Variants in RMND5A observed in about 807,000 individuals in gnomAD.
RMND5A encodes E3 ubiquitin-protein transferase RMND5A.
A neutral mutation model predicts 49.7 loss-of-function variants in RMND5A; 17 were observed. That is an observed-to-expected ratio of 0.34 (90% CI 0.23 to 0.51). The LOEUF is 0.51. RMND5A is among the 20% of genes least tolerant of loss of function. RMND5A has a pLI of 0.96. For synonymous variants in RMND5A, 156 were observed against 167.7 expected (o/e 0.93, Z 0.54); for missense variants, 255 against 471.3 (o/e 0.54, Z 4.25).
At chr2:86,759,049 G>A (rs570465207) in intron 4 of RMND5A, among the ~76,000 whole-genome samples, 8 of 152,068 alleles carry the variant, frequency 5.3e-5, no homozygotes, top group Non-Finnish European at 8.8e-5. Context: ...TGCTGTGAAA[G>A]GTTACAGTGG....
At chr2:86,766,537 A>G (rs6706378) in intron 6 of RMND5A, among the ~76,000 whole-genome samples, 106,803 of 151,612 alleles carry the variant, frequency 0.7, 37,785 homozygotes, top group East Asian at 0.91. Context: ...GGTGGCGGGT[A>G]CCTTTAATCC....
At chr2:86,749,009 T>C (rs900732595) in intron 2 of RMND5A, among the ~76,000 whole-genome samples, 13 of 152,206 alleles carry the variant, frequency 8.5e-5, no homozygotes, top group African/African-American at 3.1e-4. Context: ...TAGAGAGTTA[T>C]GGGCAGGTTC....
At chr2:86,754,206 C>G (rs1681690276) in intron 4 of RMND5A, among the ~76,000 whole-genome samples, 1 of 152,210 alleles carries the variant, frequency 6.6e-6, no homozygotes, top group South Asian at 2.1e-4. Context: ...TTTTACAACC[C>G]TTTAAAAATT....
chr2:86,765,823 A>G lies in RMND5A; in HGVS notation c.689-36A>G, dbSNP rs1410130043. Reference sequence around the variant, plus strand: ...TTGCTTTTCGCAGCTTATTACTGCAAGCAAACTAATGCTTTCTTGCTGGTG... The same window carrying G: ...TTGCTTTTCGCAGCTTATTACTGCAGGCAAACTAATGCTTTCTTGCTGGTG... On this transcript the variant is annotated intron_variant, in intron 5 of 8. Coordinates refer to ENST00000283632, the MANE Select transcript of RMND5A (RefSeq NM_022780.4). 3.1e-6 allele frequency: 5 copies of G among 1,601,628 alleles called. No individual in the cohort carries two copies. The Admixed American group carries it at 6.8e-5, about 22-fold the overall frequency.
At chr2:86,765,458 A>AC (rs1263193287) in intron 5 of RMND5A, 30 of 365,180 alleles carry the variant, frequency 8.2e-5, no homozygotes, top group African/African-American at 5.1e-4. Context: ...GCTCTTTTCC[A>AC]CCCCCACCTG....
At chr2:86,746,601 AG>A (rs951201933) in intron 2 of RMND5A, among the ~76,000 whole-genome samples, 79 of 152,364 alleles carry the variant, frequency 5.2e-4, no homozygotes, top group African/African-American at 1.8e-3. Flanking sequence ...TAAGACTTGG[AG>A]GAACCTTTCT....
intron 2 of RMND5A, 27 bp downstream of exon 2, chr2:86,741,096 AT>A (rs1484446606): frequency 6.2e-7 from 1 of 1,603,558 alleles, no homozygotes; most frequent in Non-Finnish European, 8.5e-7. Flanking sequence ...AGTGTTTTGT[AT>A]TTTTTAGCAT....
chr2:86,771,536 C>CT (rs56328788), intron 7 of RMND5A, 22 bp from the exon 8 acceptor site: 18,037 of 1,414,148 alleles, frequency 0.013, 71 homozygotes, highest in African/African-American at 0.053. Flanking sequence ...AGCTTTTTTA[C>CT]TTTTTTTTTT....
At chr2:86,728,445 T>C (rs1681303714) in intron 1 of RMND5A, among the ~76,000 whole-genome samples, 1 of 76,142 alleles carries the variant, frequency 1.3e-5, no homozygotes, top group African/African-American at 4.9e-5. Context: ...TAGCTGGGAT[T>C]ACAGGTGTGC....
At chr2:86,772,305 A>T (rs1358891798) in intron 8 of RMND5A, among the ~76,000 whole-genome samples, 1 of 152,024 alleles carries the variant, frequency 6.6e-6, no homozygotes, top group Non-Finnish European at 1.5e-5. Context: ...AAAACAAAAA[A>T]TTAGCCGGGT....
At chr2:86,764,849 G>A (rs1220795993) in intron 4 of RMND5A, among the ~76,000 whole-genome samples, 178 bp from the exon 5 acceptor site, 1 of 152,238 alleles carries the variant, frequency 6.6e-6, no homozygotes, top group Non-Finnish European at 1.5e-5. Flanking sequence ...GCCTCTGCAA[G>A]TGTAGTTATT....
chr2:86,751,791 G>A (rs1003466674), intron 2 of RMND5A, 105 bp from the exon 3 acceptor site: 10 of 1,026,350 alleles, frequency 9.7e-6, no homozygotes, highest in Non-Finnish European at 1.2e-5. Flanking sequence ...AATTGCAGTT[G>A]GGTTCTTATT....
In RMND5A at chr2:86,773,671, G is replaced by T; in HGVS notation, c.*260G>T. The T allele has an allele frequency of 6.8e-6, 2 of 294,984 alleles. No homozygotes were observed. Among genetic ancestry groups the T allele is most frequent in the Admixed American group, 5.0e-5 (1 of 20,040 alleles). The allele number at this position is 294,984 out of a possible 1,614,324, so 18.3% of individuals were successfully genotyped here. ...CAGTTGTCATTCAATGCAGGTTTTT[G>T]TACTTAATTATATGGTGATTTTTTT... is the stretch of plus-strand genomic sequence containing the variant. On this transcript the variant is annotated 3_prime_UTR_variant, in exon 9 of 9. Transcript: ENST00000283632.
intron 1 of RMND5A, among the ~76,000 whole-genome samples, chr2:86,725,343 C>T (rs946575455): frequency 1.4e-5 from 2 of 145,600 alleles, no homozygotes; most frequent in Non-Finnish European, 1.5e-5. Context: ...TCCTGGACCA[C>T]CTGGTTGCCC....
At chr2:86,755,370 C>T (rs545568891) in intron 4 of RMND5A, among the ~76,000 whole-genome samples, 8 of 152,336 alleles carry the variant, frequency 5.3e-5, no homozygotes, top group Admixed American at 3.3e-4. Flanking sequence ...CCTCCTGGAG[C>T]GTCAGCTGCC....
chr2:86,775,723 CAT>C lies in RMND5A; in HGVS notation c.*2315_*2316del, dbSNP rs1672757566. The C allele has an allele frequency of 6.6e-6, 1 of 152,170 alleles. No homozygotes were observed. Among genetic ancestry groups the C allele is most frequent in the Admixed American group, 6.5e-5 (1 of 15,280 alleles). 9.4% of individuals were successfully genotyped at this position (152,170 alleles called of 1,614,324 possible). On this transcript the variant is annotated 3_prime_UTR_variant, in exon 9 of 9. Coordinates refer to ENST00000283632, the MANE Select transcript of RMND5A (RefSeq NM_022780.4). The stretch of plus-strand genomic sequence containing the variant: ...AAATCTGAAACTCTTATGAATCTGA[CAT>C]ATTATATGGAAATTATATCTTGTGA...
At position 86,775,970 on chromosome 2, in the gene RMND5A, A is replaced by G. The variant is rs1672761666; in HGVS notation, c.*2559A>G. On this transcript the variant is annotated 3_prime_UTR_variant, in exon 9 of 9. Coordinates refer to ENST00000283632, the MANE Select transcript of RMND5A (RefSeq NM_022780.4). ...TTTTGTCTCTCTTTGCCTCCACTTT[A>G]CAAAAGATAATATGATAGAGGCAAC... The G allele has an allele frequency of 6.6e-6, 1 of 152,172 alleles. No homozygotes were observed. 9.4% of individuals were successfully genotyped at this position (152,172 alleles called of 1,614,324 possible).
chr2:86,728,190 A>G lies in RMND5A; in HGVS notation c.142+7381A>G, dbSNP rs986729808. On this transcript the variant is annotated intron_variant, in intron 1 of 8. Coordinates refer to ENST00000283632, the MANE Select transcript of RMND5A (RefSeq NM_022780.4). ...ACATTATTCATGGCCCTGGTCCTCC[A>G]GGAACTTGGAGGCTAATTGAGAAGA... 5.9e-5 allele frequency among the ~76,000 whole-genome samples: 5 copies of G among 85,440 alleles called. 2 individuals are homozygous for G. Among genetic ancestry groups the G allele is most frequent in the African/African-American group, 8.6e-5 (2 of 23,164 alleles). The allele number at this position is 85,440 out of a possible 152,430, so 56.1% of individuals were successfully genotyped here. A position where few individuals can be genotyped will look rare whatever the true frequency, so the allele number is the denominator to read the frequency against.
rs985463227 is a variant in RMND5A at position 86,777,116 on chromosome 2, G to A, written c.*3705G>A. 6.6e-6 allele frequency: 1 copy of A among 152,190 alleles called. No homozygotes were observed. The highest frequency in any genetic ancestry group is 6.5e-5 in the Admixed American group (1 of 15,272). The allele number at this position is 152,190 out of a possible 1,614,324, so 9.4% of individuals were successfully genotyped here. A position where few individuals can be genotyped will look rare whatever the true frequency, so the allele number is the denominator to read the frequency against. Reference sequence around the variant, plus strand: ...ACTGTTGATTTTACTTCAAGACATAGCAAGAGAAACAAAATTTTGTTTTCA... The same window carrying A: ...ACTGTTGATTTTACTTCAAGACATAACAAGAGAAACAAAATTTTGTTTTCA... On this transcript the variant is annotated 3_prime_UTR_variant, in exon 9 of 9. Coordinates refer to ENST00000283632, the MANE Select transcript of RMND5A (RefSeq NM_022780.4).
Sources: allele counts gnomAD v4.1 joint callset (sites outside exome capture counted in the v4.1 genomes callset), GRCh38; gene constraint gnomAD v4.1.1; transcripts MANE v1.5; gene names NCBI Gene and HGNC (gene_info 2026-07-23, HGNC 2026-07-21).